DKK3: variants seen among roughly 807,000 people sequenced by gnomAD.
The protein encoded by DKK3 is dickkopf Wnt signaling pathway inhibitor 3.
In DKK3, 22 loss-of-function variants were observed where a neutral mutation model predicts 33.2. The observed-to-expected ratio is 0.66, with a 90% confidence interval of 0.47 to 0.95. The LOEUF (loss-of-function observed/expected upper bound fraction) is 0.95. Ranked by LOEUF, DKK3 falls within the 40% of genes least tolerant of loss-of-function variation. The probability of loss-of-function intolerance (pLI) is 0.00; values close to 1 mark genes in which losing one functional copy is unlikely to be tolerated. For missense variants in DKK3, 398 were observed against 458.4 expected (o/e 0.87, Z 1.20); for synonymous variants, 194 against 188.8 (o/e 1.03, Z -0.23).
rs193168034 is a variant in DKK3 at position 12,000,667 on chromosome 11, G to C, written c.351+1633C>G. Among the ~76,000 whole-genome samples, 4 of 146,500 alleles carry C rather than the reference G, an allele frequency of 2.7e-5. No homozygotes were observed. In the South Asian group the frequency reaches 6.7e-4, roughly 24 times the overall value. On this transcript the variant is annotated intron_variant, in intron 2 of 6. Transcript: ENST00000683431. Reference sequence around the variant, plus strand: ...TTACAGGCACGTGACACCATGCCTGGCTAAGGCTAATTTTTTTTTTTTTGT... The same window carrying C: ...TTACAGGCACGTGACACCATGCCTGCCTAAGGCTAATTTTTTTTTTTTTGT...
intron 6 of DKK3, 69 bp downstream of exon 6, chr11:11,965,740 C>T (rs1053135630): frequency 7.0e-6 from 11 of 1,560,544 alleles, no homozygotes; most frequent in South Asian, 1.2e-5. Flanking sequence ...TGCTCCTGCT[C>T]CTACGCCCCT....
chr11:12,006,974 T>C (rs1202619353), intron 1 of DKK3, among the ~76,000 whole-genome samples: 1 of 152,200 alleles, frequency 6.6e-6, no homozygotes, highest in East Asian at 1.9e-4. Context: ...CATTGGGGCC[T>C]ATCTGAATCC....
intron 3 of DKK3, among the ~76,000 whole-genome samples, chr11:11,980,888 G>GGTT (rs1847940887): frequency 6.6e-6 from 1 of 152,162 alleles, no homozygotes; most frequent in African/African-American, 2.4e-5. Context: ...ACCCATGGCT[G>GGTT]GTTGGTCACT....
chr11:11,987,362 G>T (rs914944362), intron 3 of DKK3, among the ~76,000 whole-genome samples: 1 of 152,188 alleles, frequency 6.6e-6, no homozygotes, highest in Non-Finnish European at 1.5e-5. Flanking sequence ...AAACTGAACT[G>T]AACTGGAAAT....
At chr11:12,004,198 G>C (rs754941390) in intron 1 of DKK3, among the ~76,000 whole-genome samples, 1 of 152,160 alleles carries the variant, frequency 6.6e-6, no homozygotes, top group South Asian at 2.1e-4. Flanking sequence ...TCATGGACCC[G>C]CTGAATTGGG....
chr11:11,987,265 A>C (rs1385225508), intron 3 of DKK3, among the ~76,000 whole-genome samples: 1 of 152,070 alleles, frequency 6.6e-6, no homozygotes, highest in Non-Finnish European at 1.5e-5. Flanking sequence ...CATCCTCTCA[A>C]TTATTAATTT....
intron 3 of DKK3, among the ~76,000 whole-genome samples, chr11:11,975,205 C>A (rs1847807121): frequency 6.6e-6 from 1 of 152,234 alleles, no homozygotes; most frequent in Non-Finnish European, 1.5e-5. Context: ...AAGCCAGCAG[C>A]CCCAGTCTCC....
chr11:12,004,571 C>T (rs1234361945), intron 1 of DKK3, among the ~76,000 whole-genome samples: 1 of 152,172 alleles, frequency 6.6e-6, no homozygotes, highest in Non-Finnish European at 1.5e-5. Flanking sequence ...ATTCTGGAGT[C>T]AGACAAGGTG....
At chr11:11,968,637 C>G in intron 3 of DKK3, 150 bp from the exon 4 acceptor site, 5 of 624,342 alleles carry the variant, frequency 8.0e-6, no homozygotes, top group Non-Finnish European at 1.3e-5. Flanking sequence ...CTAGTCGCTC[C>G]TGATCCCTGC....
intron 3 of DKK3, among the ~76,000 whole-genome samples, chr11:11,985,375 G>C (rs1433017701): frequency 6.6e-6 from 1 of 152,212 alleles, no homozygotes; most frequent in African/African-American, 2.4e-5. Context: ...TGCTGGGCAA[G>C]CCTGGGTAAG....
At chr11:11,983,299 T>C (rs186374070) in intron 3 of DKK3, among the ~76,000 whole-genome samples, 7 of 152,316 alleles carry the variant, frequency 4.6e-5, no homozygotes, top group East Asian at 1.9e-4. Context: ...ATAGCACCTA[T>C]GCAAGAGCTG....
chr11:11,990,065 A>T (rs1848156812), intron 3 of DKK3, among the ~76,000 whole-genome samples: 1 of 152,220 alleles, frequency 6.6e-6, no homozygotes, highest in South Asian at 2.1e-4. Flanking sequence ...GTTTTTTGGA[A>T]TGATGCCAAC....
rs761409157 is a variant in DKK3 at position 12,008,348 on chromosome 11, C to T, written c.213+22G>A. The T allele has an allele frequency of 1.9e-6, 3 of 1,595,210 alleles. No homozygotes were observed. Among genetic ancestry groups the T allele is most frequent in the Non-Finnish European group, 2.6e-6 (3 of 1,175,482 alleles). On this transcript the variant is annotated intron_variant, in intron 1 of 6. Transcript: ENST00000683431. This position sits in a 1 kb window ranked among gnomAD's most constrained non-coding sequence, Gnocchi z 4.6. ...CCCAGTCTGGCGCTTCTCAGAGCCC[C>T]GCGCCGCCAGGGCGCACCCACCTCT... is the stretch of plus-strand genomic sequence containing the variant.
chr11:11,965,776 G>A (rs949669766), intron 6 of DKK3, 33 bp downstream of exon 6: 2 of 1,607,718 alleles, frequency 1.2e-6, no homozygotes, highest in African/African-American at 2.7e-5. Context: ...CTCAGCCCTT[G>A]GCTCCCTGAG....
At chr11:11,991,187 T>C (rs1848179917) in intron 3 of DKK3, among the ~76,000 whole-genome samples, 1 of 152,226 alleles carries the variant, frequency 6.6e-6, no homozygotes, top group African/African-American at 2.4e-5. Flanking sequence ...ACCTGCCCTC[T>C]GCCAAGGAGG....
At chr11:11,980,369 G>T (rs560785595) in intron 3 of DKK3, among the ~76,000 whole-genome samples, 1 of 152,286 alleles carries the variant, frequency 6.6e-6, no homozygotes, top group South Asian at 2.1e-4. Flanking sequence ...ACTGACCAAG[G>T]TCATGAGTTC....
At chr11:11,972,677 C>T (rs948478355) in intron 3 of DKK3, among the ~76,000 whole-genome samples, 2 of 152,192 alleles carry the variant, frequency 1.3e-5, no homozygotes, top group East Asian at 1.9e-4. Context: ...TGTGTCAGTG[C>T]CCTCCAAGCA....
chr11:11,964,601 C>T lies in DKK3; in HGVS notation c.916G>A (p.Asp306Asn). ...ATGAAGCTGCCAACTTCATACTCAT[C>T]GGGGACCTCTCTGGGCAGCAGGATC... The part of the protein sequence containing the change: ...GEILLPREVP[D>N]EYEVGSFMEE... The change falls in exon 7 of 7, where the codon GAT (aspartate) becomes AAT (asparagine). Residue 306 changes from aspartate (D) to asparagine (N), a missense_variant. By Grantham distance (23) the Asp-to-Asn change is conservative (BLOSUM62 1). Transcript: ENST00000683431. 5.0e-6 allele frequency: 8 copies of T among 1,614,178 alleles called. No individual in the cohort carries two copies. Among genetic ancestry groups the T allele is most frequent in the South Asian group, 3.3e-5 (3 of 91,080 alleles).
At chr11:11,983,598 G>A (rs1476950655) in intron 3 of DKK3, among the ~76,000 whole-genome samples, 2 of 152,346 alleles carry the variant, frequency 1.3e-5, no homozygotes, top group South Asian at 2.1e-4. Flanking sequence ...GGAGTCAGAG[G>A]ATGCTTCACG....
Sources: gnomAD v4.1 joint callset for allele counts (sites outside exome capture counted in the v4.1 genomes callset) on GRCh38, gnomAD v4.1.1 for gene constraint, Gnocchi (gnomAD v3.1) non-coding constraint, MANE v1.5 for transcripts, NCBI Gene and HGNC (gene_info 2026-07-23, HGNC 2026-07-21) for gene names.